Variants in SMYD3 observed in about 807,000 individuals in gnomAD.
SMYD3 encodes SET and MYND domain containing 3.
In SMYD3, 36 loss-of-function variants were observed where a neutral mutation model predicts 57.7. The observed-to-expected ratio is 0.62, with a 90% confidence interval of 0.48 to 0.82. The LOEUF (loss-of-function observed/expected upper bound fraction) is 0.82, where lower values mean the gene tolerates loss of function less well. Ranked by LOEUF, SMYD3 falls within the 40% of genes least tolerant of loss-of-function variation. The probability of loss-of-function intolerance (pLI) is 0.00; values close to 1 mark genes in which losing one functional copy is unlikely to be tolerated. For synonymous variants in SMYD3, 211 were observed against 195.0 expected (o/e 1.08, Z -0.68); for missense variants, 515 against 538.8 (o/e 0.96, Z 0.44).
At chr1:246,475,488 CA>C (rs971320565) in intron 1 of SMYD3, among the ~76,000 whole-genome samples, 4 of 150,212 alleles carry the variant, frequency 2.7e-5, no homozygotes, top group African/African-American at 9.8e-5. Flanking sequence ...ACTAAAAATA[CA>C]AAAAAAAATA....
chr1:246,102,743 C>CAAA (rs746820906), intron 5 of SMYD3, among the ~76,000 whole-genome samples: 9 of 145,814 alleles, frequency 6.2e-5, no homozygotes, highest in African/African-American at 1.5e-4. Flanking sequence ...CCTTGGCTCT[C>CAAA]AAAAAAAAAA....
At position 245,754,382 on chromosome 1, in the gene SMYD3, A is replaced by G. The variant is rs186388385; in HGVS notation, c.1186-4718T>C. Among the ~76,000 whole-genome samples the G allele has an allele frequency of 7.9e-5, 12 of 152,282 alleles. No homozygotes were observed. The East Asian group carries it at 2.1e-3, about 27-fold the overall frequency. On this transcript the variant is annotated intron_variant, in intron 11 of 11. Coordinates refer to ENST00000490107, the MANE Select transcript of SMYD3 (RefSeq NM_001167740.2). ...GGATATAAAATCAGAGGGAAAAGAAATGTATGCATGATAAGAACCCCTGGA... is the reference window on the plus strand; with the variant it reads ...GGATATAAAATCAGAGGGAAAAGAAGTGTATGCATGATAAGAACCCCTGGA...
At chr1:246,451,824 A>T (rs1027980068) in intron 1 of SMYD3, among the ~76,000 whole-genome samples, 8 of 152,368 alleles carry the variant, frequency 5.3e-5, no homozygotes, top group East Asian at 3.9e-4. Flanking sequence ...AGTCAATAAA[A>T]TTTTTTTACT....
intron 5 of SMYD3, among the ~76,000 whole-genome samples, chr1:246,242,209 C>A (rs2148478358): frequency 6.6e-6 from 1 of 152,280 alleles, no homozygotes; most frequent in Non-Finnish European, 1.5e-5. Context: ...ATCTTTCCTG[C>A]TTTCTCTTGT....
At chr1:245,994,985 G>A (rs2058893400) in intron 5 of SMYD3, among the ~76,000 whole-genome samples, 1 of 152,066 alleles carries the variant, frequency 6.6e-6, no homozygotes, top group Admixed American at 6.5e-5. Flanking sequence ...ATTAGCTGAG[G>A]GTGGTGGCAT....
intron 10 of SMYD3, among the ~76,000 whole-genome samples, chr1:245,798,181 C>A (rs1184951781): frequency 6.6e-6 from 1 of 151,820 alleles, no homozygotes; most frequent in Non-Finnish European, 1.5e-5. Flanking sequence ...CTGCTGCAGG[C>A]GAGCTCACTC....
At chr1:245,816,836 G>C (rs569055510) in intron 10 of SMYD3, among the ~76,000 whole-genome samples, 5 of 152,268 alleles carry the variant, frequency 3.3e-5, no homozygotes, top group Non-Finnish European at 7.4e-5. Flanking sequence ...TGCGCTTTTC[G>C]GACCGGCCTA....
chr1:246,110,107 T>C (rs914837175), intron 5 of SMYD3, among the ~76,000 whole-genome samples: 7 of 152,184 alleles, frequency 4.6e-5, no homozygotes, highest in African/African-American at 1.7e-4. Flanking sequence ...ACTGTGAAAC[T>C]CTCGGAAGTG....
chr1:246,403,363 T>C (rs1295926484), intron 1 of SMYD3, among the ~76,000 whole-genome samples: 2 of 152,044 alleles, frequency 1.3e-5, no homozygotes, highest in African/African-American at 4.8e-5. Context: ...CCAGAAATGA[T>C]GGCACATGCC....
chr1:246,444,659 A>C (rs2067526159), intron 1 of SMYD3, among the ~76,000 whole-genome samples: 1 of 152,158 alleles, frequency 6.6e-6, no homozygotes, highest in Non-Finnish European at 1.5e-5. Context: ...TGAGCATCTA[A>C]ATACCATTAA....
intron 5 of SMYD3, among the ~76,000 whole-genome samples, chr1:246,315,892 C>A (rs996669693): frequency 6.6e-6 from 1 of 152,218 alleles, no homozygotes; most frequent in African/African-American, 2.4e-5. Flanking sequence ...ACCAAGTCAT[C>A]TTATTTTCCA....
chr1:246,097,064 A>G (rs535069395), intron 5 of SMYD3, among the ~76,000 whole-genome samples: 15 of 152,238 alleles, frequency 9.9e-5, no homozygotes, highest in Non-Finnish European at 2.1e-4. Context: ...CTTTCATTAC[A>G]AAGTATTTCT....
At chr1:246,001,158 G>A (rs10924441) in intron 5 of SMYD3, among the ~76,000 whole-genome samples, 19,134 of 152,096 alleles carry the variant, frequency 0.13, 1,284 homozygotes, top group South Asian at 0.23. Flanking sequence ...GGATCCTATC[G>A]GGCTAGCTCC....
intron 1 of SMYD3, among the ~76,000 whole-genome samples, chr1:246,414,233 T>A (rs889649703): frequency 6.6e-6 from 1 of 152,200 alleles, no homozygotes. Flanking sequence ...TATCACCCAC[T>A]GTTATTTACA....
chr1:246,424,761 A>G, intron 1 of SMYD3, among the ~76,000 whole-genome samples: 1 of 152,236 alleles, frequency 6.6e-6, no homozygotes, highest in East Asian at 1.9e-4. Flanking sequence ...ATAGCAGTTG[A>G]GGATTTGTAA....
chr1:245,980,356 T>C (rs963215776), intron 5 of SMYD3, among the ~76,000 whole-genome samples: 5 of 152,216 alleles, frequency 3.3e-5, no homozygotes, highest in African/African-American at 9.6e-5. Flanking sequence ...ACTCCTGTGA[T>C]GTGAGATCCC....
At chr1:246,181,168 C>T (rs1229016128) in intron 5 of SMYD3, among the ~76,000 whole-genome samples, 2 of 152,180 alleles carry the variant, frequency 1.3e-5, no homozygotes, top group African/African-American at 4.8e-5. Flanking sequence ...AATGGCCATG[C>T]AAAGCAGTGT....
At chr1:245,980,720 T>C (rs2058574890) in intron 5 of SMYD3, among the ~76,000 whole-genome samples, 2 of 152,340 alleles carry the variant, frequency 1.3e-5, no homozygotes, top group South Asian at 4.1e-4. Flanking sequence ...GAAATGCACT[T>C]ATTCTCTATG....
At position 246,048,832 on chromosome 1, in the gene SMYD3, T is replaced by C. The variant is rs79795898; in HGVS notation, c.532-118895A>G. Reference sequence around the variant, plus strand: ...ATTTCAAGAAAATTAAGTCACAAAGTAATGTCTGTTGTGGGATTCCTTTTT... The same window carrying C: ...ATTTCAAGAAAATTAAGTCACAAAGCAATGTCTGTTGTGGGATTCCTTTTT... On this transcript the variant is annotated intron_variant, in intron 5 of 11. Transcript: ENST00000490107. 3.4e-3 allele frequency among the ~76,000 whole-genome samples: 512 copies of C among 152,084 alleles called. 2 individuals are homozygous for C. The highest frequency in any genetic ancestry group is 6.8e-3 in the Middle Eastern group (2 of 292).
Sources: gnomAD v4.1 joint callset for allele counts (sites outside exome capture counted in the v4.1 genomes callset) on GRCh38, gnomAD v4.1.1 for gene constraint, MANE v1.5 for transcripts, NCBI Gene and HGNC (gene_info 2026-07-23, HGNC 2026-07-21) for gene names.